Variants in FHIT observed in about 807,000 individuals in gnomAD.
FHIT encodes bis(5'-adenosyl)-triphosphatase.
A neutral mutation model predicts 17.9 loss-of-function variants in FHIT; 19 were observed. That is an observed-to-expected ratio of 1.06 (90% CI 0.74 to 1.56). The LOEUF (loss-of-function observed/expected upper bound fraction) is 1.56. FHIT is among the 40% of genes most tolerant of loss of function. The pLI, the probability that FHIT is intolerant of heterozygous loss-of-function variation, is 0.00. For missense variants in FHIT, 248 were observed against 189.2 expected (o/e 1.31, Z -1.82); for synonymous variants, 81 against 69.7 (o/e 1.16, Z -0.81).
intron 2 of FHIT, among the ~76,000 whole-genome samples, chr3:61,088,658 A>G (rs1482244919): frequency 6.6e-6 from 1 of 152,170 alleles, no homozygotes; most frequent in Non-Finnish European, 1.5e-5. Flanking sequence ...AATATTCACC[A>G]ATGCCAAGAA....
At chr3:60,305,838 G>A (rs191442355) in intron 5 of FHIT, among the ~76,000 whole-genome samples, 16 of 152,190 alleles carry the variant, frequency 1.1e-4, no homozygotes, top group African/African-American at 3.9e-4. Context: ...TTAAACTGAT[G>A]TGCTATTTAA....
intron 5 of FHIT, among the ~76,000 whole-genome samples, chr3:60,503,980 T>G (rs994231106): frequency 6.6e-5 from 10 of 152,188 alleles, no homozygotes; most frequent in African/African-American, 2.4e-4. Context: ...CAAATAAGCC[T>G]TATTTTACGT....
In FHIT at chr3:60,861,241, C is replaced by CATATAATATATGAT. The variant is rs373429855; in HGVS notation, c.-110-39231_-110-39230insATCATATATTATAT. Among the ~76,000 whole-genome samples, 109 of 37,118 alleles carry CATATAATATATGAT rather than the reference C, an allele frequency of 2.9e-3. 8 individuals are homozygous for CATATAATATATGAT. The highest frequency in any genetic ancestry group is 8.2e-3 in the African/African-American group (40 of 4,858). The allele number at this position is 37,118 out of a possible 152,430, so 24.4% of individuals were successfully genotyped here. ...ATATGATATATATGATATATCATATCATATATGATACATATGATATATCAT... is the reference window on the plus strand; with the variant it reads ...ATATGATATATATGATATATCATATCATATAATATATGATATATATGATACATATGATATATCAT... On this transcript the variant is annotated intron_variant, in intron 3 of 9. Transcript: ENST00000492590.
intron 5 of FHIT, among the ~76,000 whole-genome samples, chr3:60,016,391 C>T (rs2106710155): frequency 6.6e-6 from 1 of 152,282 alleles, no homozygotes; most frequent in Admixed American, 6.5e-5. Flanking sequence ...CCAAAGGCGA[C>T]TTCTTAGAGC....
At chr3:60,884,104 A>G (rs1219772316) in intron 3 of FHIT, among the ~76,000 whole-genome samples, 1 of 152,228 alleles carries the variant, frequency 6.6e-6, no homozygotes, top group Admixed American at 6.5e-5. Flanking sequence ...CAAGAGGCAT[A>G]TGAAAAAATG....
intron 4 of FHIT, among the ~76,000 whole-genome samples, chr3:60,600,593 A>G (rs144671330): frequency 2.0e-5 from 3 of 152,188 alleles, no homozygotes; most frequent in Non-Finnish European, 2.9e-5. Flanking sequence ...CTGATACGTC[A>G]GCCCCACCAA....
At chr3:61,010,242 T>C (rs1203463765) in intron 3 of FHIT, among the ~76,000 whole-genome samples, 1 of 152,174 alleles carries the variant, frequency 6.6e-6, no homozygotes, top group African/African-American at 2.4e-5. Context: ...ATTGAATTTA[T>C]TGGATCTGGG....
intron 5 of FHIT, among the ~76,000 whole-genome samples, chr3:60,484,849 TATC>T (rs1273774957): frequency 1.3e-5 from 2 of 152,110 alleles, no homozygotes; most frequent in African/African-American, 2.4e-5. Flanking sequence ...CTAAAGAAAC[TATC>T]ATCAGAGTGA....
At chr3:60,476,717 G>C (rs1177648907) in intron 5 of FHIT, among the ~76,000 whole-genome samples, 1 of 152,142 alleles carries the variant, frequency 6.6e-6, no homozygotes, top group African/African-American at 2.4e-5. Context: ...TGATTATTTG[G>C]GCACTGGGTA....
chr3:59,886,334 C>T (rs1337213524), intron 8 of FHIT: 1 of 152,212 alleles, frequency 6.6e-6, no homozygotes, highest in African/African-American at 2.4e-5. Flanking sequence ...GAATTAGGAC[C>T]AACTATTTAC....
At chr3:60,311,119 A>G (rs985837401) in intron 5 of FHIT, among the ~76,000 whole-genome samples, 3 of 152,104 alleles carry the variant, frequency 2.0e-5, no homozygotes, top group African/African-American at 7.2e-5. Flanking sequence ...CCCCTCTTTA[A>G]TATAAAATCC....
chr3:60,665,441 G>A (rs991591602), intron 4 of FHIT, among the ~76,000 whole-genome samples: 1 of 151,880 alleles, frequency 6.6e-6, no homozygotes, highest in Non-Finnish European at 1.5e-5. Context: ...TTTGCTTTGT[G>A]TATTTTGAGG....
At chr3:60,478,894 A>T (rs1055917994) in intron 5 of FHIT, among the ~76,000 whole-genome samples, 1 of 152,236 alleles carries the variant, frequency 6.6e-6, no homozygotes, top group African/African-American at 2.4e-5. Context: ...CACATAGCAC[A>T]GAGTGTGCTA....
chr3:60,555,858 GTCTGCAGGCAAGCTT>G (rs1192591685), intron 4 of FHIT, among the ~76,000 whole-genome samples: 1 of 152,182 alleles, frequency 6.6e-6, no homozygotes, highest in African/African-American at 2.4e-5. Flanking sequence ...GGACATTTCT[GTCTGCAGGCAAGCTT>G]TCTGCAGGAG....
At chr3:60,989,564 G>C (rs528444971) in intron 3 of FHIT, among the ~76,000 whole-genome samples, 13 of 152,216 alleles carry the variant, frequency 8.5e-5, no homozygotes, top group Non-Finnish European at 1.8e-4. Context: ...GCTTATCAAC[G>C]TTGTCAACTG....
At chr3:60,520,120 G>A (rs2035304384) in intron 5 of FHIT, among the ~76,000 whole-genome samples, 1 of 152,112 alleles carries the variant, frequency 6.6e-6, no homozygotes, top group Non-Finnish European at 1.5e-5. Context: ...CTGTGTTTGT[G>A]TGCCTACGTT....
chr3:59,994,001 C>T (rs571934886), intron 7 of FHIT, among the ~76,000 whole-genome samples: 1 of 152,174 alleles, frequency 6.6e-6, no homozygotes, highest in Admixed American at 6.5e-5. Flanking sequence ...TTAACTCTTA[C>T]TATTCTCATA....
chr3:60,779,832 C>T (rs1700327414), intron 4 of FHIT, among the ~76,000 whole-genome samples: 1 of 152,172 alleles, frequency 6.6e-6, no homozygotes, highest in Non-Finnish European at 1.5e-5. Flanking sequence ...ATTAAGCCAA[C>T]CCCAAACTTC....
intron 3 of FHIT, among the ~76,000 whole-genome samples, chr3:60,842,645 A>ATATATT (rs1396703397): frequency 1.1e-5 from 1 of 94,600 alleles, no homozygotes; most frequent in African/African-American, 4.1e-5. Context: ...ATATATATAT[A>ATATATT]TTTTTTTTTT....
Sources: gnomAD v4.1 joint callset for allele counts (sites outside exome capture counted in the v4.1 genomes callset) on GRCh38, gnomAD v4.1.1 for gene constraint, MANE v1.5 for transcripts, NCBI Gene and HGNC (gene_info 2026-07-23, HGNC 2026-07-21) for gene names.